FLYWCH2: variants seen among roughly 807,000 people sequenced by gnomAD.
FLYWCH2 encodes the protein FLYWCH family member 2.
Under a neutral mutation model 6.0 loss-of-function variants are expected in FLYWCH2, and 2 were observed. The observed-to-expected ratio is 0.33, with a 90% CI of 0.14 to 1.04. The LOEUF is 1.04. FLYWCH2 is among the 50% of genes least tolerant of loss of function. The pLI, the probability that FLYWCH2 is intolerant of heterozygous loss-of-function variation, is 0.45. For missense variants in FLYWCH2, 192 were observed against 183.4 expected (o/e 1.05, Z -0.27); for synonymous variants, 87 against 79.3 (o/e 1.10, Z -0.52).
In FLYWCH2 at chr16:2,899,044, C is replaced by T. The variant is rs199839518; in HGVS notation, c.323-5C>T. On this transcript the variant is annotated splice_polypyrimidine_tract_variant and splice_region_variant and intron_variant, in intron 3 of 3. Transcript: ENST00000396958. ...ACCAGCCTGATCCACCCTCTTCTCT[C>T]GCAGGCACAGACAGAACAGAAGACA... is the stretch of plus-strand genomic sequence containing the variant. The T allele has an allele frequency of 1.6e-5, 26 of 1,608,550 alleles. No individual in the cohort carries two copies. Among genetic ancestry groups the T allele is most frequent in the South Asian group, 5.5e-5 (5 of 90,380 alleles).
Position 2,898,797 on chromosome 16 carries a change from C to T in FLYWCH2, c.323-252C>T, listed in dbSNP as rs185585524. 66 of 381,924 alleles carry T rather than the reference C, an allele frequency of 1.7e-4. No homozygotes were observed. The Admixed American group carries it at 2.0e-3, about 11-fold the overall frequency. 23.7% of individuals were successfully genotyped at this position (381,924 alleles called of 1,614,324 possible). On this transcript the variant is annotated intron_variant, in intron 3 of 3. Transcript: ENST00000396958. ...CCAGGTCCAGCAGAGGCGATGGCTG[C>T]GGCTTCCCAGTGCTCAGCACAAACT...
intron 1 of FLYWCH2, among the ~76,000 whole-genome samples, chr16:2,891,436 GC>G (rs1223058963): frequency 1.3e-5 from 2 of 151,812 alleles, no homozygotes; most frequent in Non-Finnish European, 2.9e-5. Context: ...ATGGAGTCTC[GC>G]CCTATCGCCC....
At chr16:2,889,897 C>T (rs142451803) in intron 1 of FLYWCH2, among the ~76,000 whole-genome samples, 3 of 152,032 alleles carry the variant, frequency 2.0e-5, no homozygotes, top group Non-Finnish European at 2.9e-5. Context: ...CCAGTCTGGA[C>T]GACATGGTGA....
In FLYWCH2 at chr16:2,898,874, G is replaced by C. The variant is rs1346052501; in HGVS notation, c.323-175G>C. 7 of 496,922 alleles carry C rather than the reference G, an allele frequency of 1.4e-5. No homozygotes were observed. In the African/African-American group the frequency reaches 1.4e-4, roughly 10 times the overall value. The allele number at this position is 496,922 out of a possible 1,614,324, so 30.8% of individuals were successfully genotyped here. On this transcript the variant is annotated intron_variant, in intron 3 of 3. Coordinates refer to ENST00000396958, the MANE Select transcript of FLYWCH2 (RefSeq NM_138439.3). ...TTAGCAGCTTTTGTGGCCCTGGCCT[G>C]GTGGCCTTGGGAGCAGCGTCCCTGA...
chr16:2,890,398 C>T (rs1384590497), intron 1 of FLYWCH2, among the ~76,000 whole-genome samples: 1 of 148,196 alleles, frequency 6.7e-6, no homozygotes, highest in Non-Finnish European at 1.5e-5. Flanking sequence ...ACTAGGTGCA[C>T]AGCACCATGC....
Position 2,896,520 on chromosome 16 carries a change from C to T in FLYWCH2, c.71C>T (p.Pro24Leu). 1 of 1,614,152 alleles carries T rather than the reference C, an allele frequency of 6.2e-7. No homozygotes were observed. The highest frequency in any genetic ancestry group is 8.5e-7 in the Non-Finnish European group (1 of 1,180,002). The change falls in exon 3 of 4, where the codon CCA (proline) becomes CTA (leucine). Residue 24 changes from proline to leucine, a missense_variant. By Grantham distance (98) the Pro-to-Leu change is moderately conservative. Transcript: ENST00000396958. ...VKASQEPSPK[P>L]GTEVIPAAPR... is the part of the protein sequence containing the mutation. ...GCCAGCCAGGAGCCATCCCCCAAGCCAGGCACAGAAGTCATCCCGGCAGCC... is the reference window on the plus strand; with the variant it reads ...GCCAGCCAGGAGCCATCCCCCAAGCTAGGCACAGAAGTCATCCCGGCAGCC...
chr16:2,893,917 C>T lies in FLYWCH2; in HGVS notation c.-199-1303C>T, dbSNP rs556909712. 1.1e-4 allele frequency among the ~76,000 whole-genome samples: 17 copies of T among 152,142 alleles called. No individual in the cohort carries two copies. The East Asian group carries it at 3.3e-3, about 30-fold the overall frequency. ...CCTCCCAAAGTGCTGGGATTACAAGCGTGAGCCACCGCGCCCGGCCCCTTT... is the reference window on the plus strand; with the variant it reads ...CCTCCCAAAGTGCTGGGATTACAAGTGTGAGCCACCGCGCCCGGCCCCTTT... On this transcript the variant is annotated intron_variant, in intron 1 of 3. Transcript: ENST00000396958.
intron 1 of FLYWCH2, among the ~76,000 whole-genome samples, chr16:2,894,864 G>A (rs1247235566): frequency 1.3e-5 from 2 of 152,182 alleles, no homozygotes; most frequent in Non-Finnish European, 2.9e-5. Context: ...GCGCCAGGGT[G>A]CTGGGCATGG....
chr16:2,897,545 C>T (rs955547781), intron 3 of FLYWCH2, among the ~76,000 whole-genome samples: 1 of 152,228 alleles, frequency 6.6e-6, no homozygotes, highest in East Asian at 1.9e-4. Flanking sequence ...GCCCTTGGCT[C>T]TGCCCCTGCT....
At chr16:2,896,932 C>T (rs1188648466) in intron 3 of FLYWCH2, 161 bp downstream of exon 3, 4 of 717,562 alleles carry the variant, frequency 5.6e-6, no homozygotes, top group African/African-American at 3.6e-5. Context: ...GGGCACAGGC[C>T]TGGGCATCCG....
intron 3 of FLYWCH2, chr16:2,896,973 T>G: frequency 1.6e-6 from 1 of 608,122 alleles, no homozygotes; most frequent in East Asian, 2.8e-5. Flanking sequence ...TGAGCGGCCT[T>G]GCCTCTCTGT....
At chr16:2,898,833 T>C in intron 3 of FLYWCH2, 1 of 451,150 alleles carries the variant, frequency 2.2e-6, no homozygotes. Context: ...TGGCCTCAAG[T>C]TTCCTGGAAA....
intron 1 of FLYWCH2, among the ~76,000 whole-genome samples, chr16:2,889,655 C>T (rs536103289): frequency 9.2e-5 from 14 of 151,830 alleles, no homozygotes; most frequent in Middle Eastern, 3.4e-3. Context: ...AGCTACTTAC[C>T]TTTAAAAAAA....
At chr16:2,887,183 T>C (rs554663498) in intron 1 of FLYWCH2, among the ~76,000 whole-genome samples, 1 of 152,132 alleles carries the variant, frequency 6.6e-6, no homozygotes, top group South Asian at 2.1e-4. Context: ...TCTCACTCTG[T>C]TACCCAAGCT....
At chr16:2,892,707 G>A (rs1378793985) in intron 1 of FLYWCH2, among the ~76,000 whole-genome samples, 4 of 151,212 alleles carry the variant, frequency 2.6e-5, no homozygotes, top group African/African-American at 7.3e-5. Context: ...AGGAGAGCAT[G>A]GTGGCGTGTG....
intron 1 of FLYWCH2, among the ~76,000 whole-genome samples, chr16:2,885,268 G>A (rs1316834422): frequency 2.0e-5 from 3 of 151,988 alleles, no homozygotes; most frequent in Admixed American, 6.6e-5. Context: ...CTTGCAGTGA[G>A]ATCACGCCAC....
rs577389894 is a variant in FLYWCH2, at chr16:2,897,680, G to C, written c.322+909G>C. Among the ~76,000 whole-genome samples the C allele has an allele frequency of 1.4e-4, 21 of 152,360 alleles. No homozygotes were observed. The South Asian group carries it at 4.3e-3, about 32-fold the overall frequency. On this transcript the variant is annotated intron_variant, in intron 3 of 3. Transcript: ENST00000396958. ...CTCTCCCTGAGGTGGCCCAGGCCAT[G>C]CCCTGCTGTCCCCTGCAGGAGGACA...
intron 1 of FLYWCH2, among the ~76,000 whole-genome samples, chr16:2,888,379 A>C (rs2069721683): frequency 6.7e-6 from 1 of 149,544 alleles, no homozygotes; most frequent in Non-Finnish European, 1.5e-5. Context: ...ATTTTGAGAT[A>C]GAGATGTGTC....
At chr16:2,883,810 G>C (rs1337891651) in intron 1 of FLYWCH2, among the ~76,000 whole-genome samples, 1 of 152,258 alleles carries the variant, frequency 6.6e-6, no homozygotes, top group Non-Finnish European at 1.5e-5. Context: ...GAGCCGGGGA[G>C]CTGGGACCAT....
Sources: gnomAD v4.1 joint callset for allele counts (sites outside exome capture counted in the v4.1 genomes callset) on GRCh38, gnomAD v4.1.1 for gene constraint, MANE v1.5 for transcripts, NCBI Gene and HGNC (gene_info 2026-07-23, HGNC 2026-07-21) for gene names.